The following ABCG4 variants were observed in gnomAD, a reference collection of about 807,000 sequenced individuals.
ABCG4 encodes ATP-binding cassette sub-family G member 4.
A neutral mutation model predicts 64.6 loss-of-function variants in ABCG4; 35 were observed. That is an observed-to-expected ratio of 0.54 (90% CI 0.41 to 0.72). The LOEUF (loss-of-function observed/expected upper bound fraction) is 0.72, where lower values mean the gene tolerates loss of function less well. ABCG4 is among the 30% of genes least tolerant of loss of function. The probability of loss-of-function intolerance (pLI) is 0.00; values close to 1 mark genes in which losing one functional copy is unlikely to be tolerated. For missense variants in ABCG4, 610 were observed against 846.3 expected, an observed-to-expected ratio of 0.72 and a Z score of 3.46; for synonymous variants, 326 against 348.2, an observed-to-expected ratio of 0.94 and a Z score of 0.71.
chr11:119,157,075 C>A, intron 9 of ABCG4, 61 bp downstream of exon 9: 1 of 1,527,710 alleles, frequency 6.5e-7, no homozygotes. Context: ...GGACCATGGA[C>A]AGTGGCCCTG....
Position 119,149,774 on chromosome 11 carries a change from C to A in ABCG4, c.-12-180C>A. 1 of 1,019,736 alleles carries A rather than the reference C, an allele frequency of 9.8e-7. No homozygotes were observed. The highest frequency in any genetic ancestry group is 1.4e-6 in the Non-Finnish European group (1 of 720,344). 63.2% of individuals were successfully genotyped at this position (1,019,736 alleles called of 1,614,324 possible). On this transcript the variant is annotated intron_variant, in intron 1 of 14. Coordinates refer to ENST00000619701, the MANE Select transcript of ABCG4 (RefSeq NM_022169.5). The surrounding 1 kb of genome is among the most constrained non-coding windows in gnomAD (Gnocchi z 8.3). The stretch of plus-strand genomic sequence containing the variant: ...CTGGGGTCAGGCTGGAGCTGGGCTG[C>A]CCGGGACTGAGCGTCTCCGTGCGGA...
At chr11:119,157,063 CTGGACCA>C (rs772350710) in intron 9 of ABCG4, 49 bp downstream of exon 9, 27 of 1,552,882 alleles carry the variant, frequency 1.7e-5, no homozygotes, top group Non-Finnish European at 2.2e-5. Flanking sequence ...GGAGGGGAGA[CTGGACCA>C]TGGACAGTGG....
intron 12 of ABCG4, among the ~76,000 whole-genome samples, chr11:119,159,204 G>T (rs1341204768): frequency 1.3e-5 from 2 of 152,192 alleles, no homozygotes; most frequent in Non-Finnish European, 2.9e-5. Context: ...TAACCCTATA[G>T]GGCCAGGCGC....
rs1592301404 is a variant in ABCG4 at position 119,150,274 on chromosome 11, G to C, written c.238+71G>C. The C allele has an allele frequency of 6.4e-7, 1 of 1,554,534 alleles. No homozygotes were observed. Among genetic ancestry groups the C allele is most frequent in the East Asian group, 2.3e-5 (1 of 44,228 alleles). ...TGCCTCTCCAGAAGCATGAGGCCTG[G>C]GTGTCCCATGTTCGGAAAGTCCTGC... On this transcript the variant is annotated intron_variant, in intron 2 of 14. Coordinates refer to ENST00000619701, the MANE Select transcript of ABCG4 (RefSeq NM_022169.5). This position sits in a 1 kb window ranked among gnomAD's most constrained non-coding sequence, Gnocchi z 4.3.
In ABCG4 at chr11:119,155,154, C is replaced by G. The variant is rs113184164; in HGVS notation, c.686+239C>G. ...TGACACCTCCCTCTCCAGTCACCCT[C>G]AGCCATCAGTCACCAAGTCCTGTTG... On this transcript the variant is annotated intron_variant, in intron 6 of 14. Transcript: ENST00000619701. This position sits in a 1 kb window ranked among gnomAD's most constrained non-coding sequence, Gnocchi z 4.5. Among the ~76,000 whole-genome samples the G allele has an allele frequency of 6.6e-6, 1 of 152,194 alleles. No homozygotes were observed. The highest frequency in any genetic ancestry group is 6.5e-5 in the Admixed American group (1 of 15,288).
chr11:119,156,364 C>T lies in ABCG4; in HGVS notation c.722C>T (p.Ser241Phe). The T allele has an allele frequency of 6.2e-7, 1 of 1,614,178 alleles. No homozygotes were observed. Among genetic ancestry groups the T allele is most frequent in the Non-Finnish European group, 8.5e-7 (1 of 1,180,034 alleles). ...LDSASCFQVV[S>F]LMKSLAQGGR... ...AGCGCCTCTTGTTTCCAAGTGGTGT[C>T]CCTCATGAAGTCCCTGGCACAGGGG... The change falls in exon 7 of 15, where the codon TCC (serine) becomes TTC (phenylalanine). Residue 241 changes from serine (S) to phenylalanine (F), a missense_variant. Transcript: ENST00000619701. This position sits in a 1 kb window ranked among gnomAD's most constrained non-coding sequence, Gnocchi z 5.5.
chr11:119,155,621 CAG>C lies in ABCG4; in HGVS notation c.687-705_687-704del, dbSNP rs1948254888. 1 of 152,794 alleles carries C rather than the reference CAG, an allele frequency of 6.5e-6. No homozygotes were observed. The highest frequency in any genetic ancestry group is 6.5e-5 in the Admixed American group (1 of 15,340). 9.5% of individuals were successfully genotyped at this position (152,794 alleles called of 1,614,324 possible). On this transcript the variant is annotated intron_variant, in intron 6 of 14. Transcript: ENST00000619701. This position sits in a 1 kb window ranked among gnomAD's most constrained non-coding sequence, Gnocchi z 4.5. ...ACAGGCGTGAGCCACCGTGCCCGGA[CAG>C]AGTGAACTTTCTAAAGACAAGTCTG... is the stretch of plus-strand genomic sequence containing the variant.
In ABCG4 at chr11:119,160,851, G is replaced by C. The variant is rs746117726; in HGVS notation, c.1716-30G>C. 1.2e-6 allele frequency: 2 copies of C among 1,602,480 alleles called. No individual in the cohort carries two copies. Among genetic ancestry groups the C allele is most frequent in the Non-Finnish European group, 1.7e-6 (2 of 1,171,140 alleles). On this transcript the variant is annotated intron_variant, in intron 14 of 14. Coordinates refer to ENST00000619701, the MANE Select transcript of ABCG4 (RefSeq NM_022169.5). The surrounding 1 kb of genome is among the most constrained non-coding windows in gnomAD (Gnocchi z 4.6). ...TCAGAGAGCAGGGACCCTGTGTGCT[G>C]TATCCCATCTGATATCCCTGCCTGC...
Position 119,161,804 on chromosome 11 carries a change from G to C in ABCG4, c.*698G>C, listed in dbSNP as rs1948358078. 6.5e-6 allele frequency: 1 copy of C among 152,726 alleles called. No individual in the cohort carries two copies. Among genetic ancestry groups the C allele is most frequent in the Admixed American group, 6.5e-5 (1 of 15,286 alleles). The allele number at this position is 152,726 out of a possible 1,614,324, so 9.5% of individuals were successfully genotyped here. On this transcript the variant is annotated 3_prime_UTR_variant, in exon 15 of 15. Transcript: ENST00000619701. ...CCTTTGGTGGGGGCAGGGCCTGGTGGCACCTGTGCAATAATGTCTGTGTTT... is the reference window on the plus strand; with the variant it reads ...CCTTTGGTGGGGGCAGGGCCTGGTGCCACCTGTGCAATAATGTCTGTGTTT...
In ABCG4 at chr11:119,160,606, C is replaced by T. The variant is rs1377869417; in HGVS notation, c.1665C>T (p.Phe555=). The T allele has an allele frequency of 6.2e-6, 10 of 1,613,476 alleles. No individual in the cohort carries two copies. Among genetic ancestry groups the T allele is most frequent in the African/African-American group, 1.3e-5 (1 of 74,916 alleles). The part of the protein sequence containing the change: ...VLLFSGFFVS[F]KTIPTYLQWS... ...TGTTCTCCGGCTTCTTTGTCAGCTT[C>T]AAGACCATCCCCACTTACCTGCAAT... The change falls in exon 14 of 15, where the codon TTC becomes TTT. Residue 555 remains phenylalanine (F), a synonymous_variant. Transcript: ENST00000619701. This position sits in a 1 kb window ranked among gnomAD's most constrained non-coding sequence, Gnocchi z 4.6.
chr11:119,156,214 A>T lies in ABCG4; in HGVS notation c.687-115A>T. The stretch of plus-strand genomic sequence containing the variant: ...CCGTAAAGGATACAGATGCGGCCAG[A>T]GTGCCCTCTTCCTGCCAGCTTCATC... On this transcript the variant is annotated intron_variant, in intron 6 of 14. Coordinates refer to ENST00000619701, the MANE Select transcript of ABCG4 (RefSeq NM_022169.5). The surrounding 1 kb of genome is among the most constrained non-coding windows in gnomAD (Gnocchi z 5.5). The T allele has an allele frequency of 7.2e-7, 1 of 1,396,308 alleles. No homozygotes were observed. The allele number at this position is 1,396,308 out of a possible 1,614,324, so 86.5% of individuals were successfully genotyped here. A position where few individuals can be genotyped will look rare whatever the true frequency, so the allele number is the denominator to read the frequency against.
At position 119,149,871 on chromosome 11, in the gene ABCG4, G is replaced by A; in HGVS notation, c.-12-83G>A. 2 of 1,496,618 alleles carry A rather than the reference G, an allele frequency of 1.3e-6. No homozygotes were observed. The highest frequency in any genetic ancestry group is 1.8e-6 in the Non-Finnish European group (2 of 1,126,996). 92.7% of individuals were successfully genotyped at this position (1,496,618 alleles called of 1,614,324 possible). Reference sequence around the variant, plus strand: ...CCCCGAGAAGGAGGTGGGCAGTGGGGGCGGGGGAAGCATTAGAACGCCAGG... The same window carrying A: ...CCCCGAGAAGGAGGTGGGCAGTGGGAGCGGGGGAAGCATTAGAACGCCAGG... On this transcript the variant is annotated intron_variant, in intron 1 of 14. Transcript: ENST00000619701. This position sits in a 1 kb window ranked among gnomAD's most constrained non-coding sequence, Gnocchi z 8.3.
Position 119,154,826 on chromosome 11 carries a change from CCT to C in ABCG4, c.598_599del (p.Leu200AlafsTer25), listed in dbSNP as rs754620704. The C allele has an allele frequency of 6.2e-7, 1 of 1,614,078 alleles. No homozygotes were observed. The highest frequency in any genetic ancestry group is 8.5e-7 in the Non-Finnish European group (1 of 1,179,920). On this transcript the variant is annotated frameshift_variant, in exon 6 of 15. Transcript: ENST00000619701. LOFTEE classifies it high-confidence loss of function. The surrounding 1 kb of genome is among the most constrained non-coding windows in gnomAD (Gnocchi z 7.0). ...TGTCGTGCTCCCACACGAGGACAGC[CCT>C]GCTCTCTGGCGGGCAGAGGAAGCGT... ...LMSCSHTRTA[L>X]LSGGQRKRLA...
rs1948351708 is a variant in ABCG4 at position 119,161,426 on chromosome 11, G to A, written c.*320G>A. ...CTTCCTGCCCATGGCACCCTCCTCT[G>A]CTGTCTGCCTGGGAGCCCTAGGCTC... is the stretch of plus-strand genomic sequence containing the variant. On this transcript the variant is annotated 3_prime_UTR_variant, in exon 15 of 15. Transcript: ENST00000619701. 7.6e-6 allele frequency: 2 copies of A among 263,026 alleles called. No homozygotes were observed. Among genetic ancestry groups the A allele is most frequent in the Non-Finnish European group, 1.5e-5 (2 of 135,874 alleles). The allele number at this position is 263,026 out of a possible 1,614,324, so 16.3% of individuals were successfully genotyped here. A position where few individuals can be genotyped will look rare whatever the true frequency, so the allele number is the denominator to read the frequency against.
Position 119,160,931 on chromosome 11 carries a change from A to G in ABCG4, c.1766A>G (p.Asp589Gly). The G allele has an allele frequency of 1.2e-6, 2 of 1,613,960 alleles. No homozygotes were observed. Among genetic ancestry groups the G allele is most frequent in the Non-Finnish European group, 1.7e-6 (2 of 1,179,946 alleles). ...ILTIYGMERG[D>G]LTCLEERCPF... ...ACGATCTATGGCATGGAGCGAGGAG[A>G]CCTGACATGTTTAGAGGAACGCTGC... Residue 589 changes from aspartate to glycine, a missense_variant, in exon 15 of 15, where the codon GAC (aspartate) becomes GGC (glycine). Physicochemically the swap from Asp to Gly is moderately conservative, Grantham distance 94. Coordinates refer to ENST00000619701, the MANE Select transcript of ABCG4 (RefSeq NM_022169.5). This position sits in a 1 kb window ranked among gnomAD's most constrained non-coding sequence, Gnocchi z 4.6.
Position 119,161,337 on chromosome 11 carries a change from T to C in ABCG4, c.*231T>C, listed in dbSNP as rs762879058. On this transcript the variant is annotated 3_prime_UTR_variant, in exon 15 of 15. Coordinates refer to ENST00000619701, the MANE Select transcript of ABCG4 (RefSeq NM_022169.5). ...AGGAGTCTTCCCAAGTTGATGCGGTTTGTAGCTTCCTCCCTACTCTCTCCA... is the reference window on the plus strand; with the variant it reads ...AGGAGTCTTCCCAAGTTGATGCGGTCTGTAGCTTCCTCCCTACTCTCTCCA... 7.9e-4 allele frequency: 415 copies of C among 522,648 alleles called. 1 individual carries two copies. Among genetic ancestry groups the C allele is most frequent in the Non-Finnish European group, 1.3e-3 (364 of 290,730 alleles). 32.4% of individuals were successfully genotyped at this position (522,648 alleles called of 1,614,324 possible). A position where few individuals can be genotyped will look rare whatever the true frequency, so the allele number is the denominator to read the frequency against.
Position 119,161,018 on chromosome 11 carries a change from T to A in ABCG4, c.1853T>A (p.Met618Lys). 1 of 1,614,094 alleles carries A rather than the reference T, an allele frequency of 6.2e-7. No individual in the cohort carries two copies. Among genetic ancestry groups the A allele is most frequent in the Non-Finnish European group, 8.5e-7 (1 of 1,179,984 alleles). ...ALDVEDAKLY[M>K]DFLVLGIFFL... ...GATGTGGAGGATGCCAAGCTCTACA[T>A]GGACTTCCTGGTCTTGGGCATCTTC... is the stretch of plus-strand genomic sequence containing the variant. Residue 618 changes from methionine to lysine, a missense_variant, in exon 15 of 15, where the codon ATG becomes AAG. Coordinates refer to ENST00000619701, the MANE Select transcript of ABCG4 (RefSeq NM_022169.5).
chr11:119,149,788 T>A lies in ABCG4; in HGVS notation c.-12-166T>A. 2 of 1,146,960 alleles carry A rather than the reference T, an allele frequency of 1.7e-6. No homozygotes were observed. Among genetic ancestry groups the A allele is most frequent in the South Asian group, 1.6e-5 (1 of 62,478 alleles). 71.0% of individuals were successfully genotyped at this position (1,146,960 alleles called of 1,614,324 possible). On this transcript the variant is annotated intron_variant, in intron 1 of 14. Coordinates refer to ENST00000619701, the MANE Select transcript of ABCG4 (RefSeq NM_022169.5). The surrounding 1 kb of genome is among the most constrained non-coding windows in gnomAD (Gnocchi z 8.3). ...GAGCTGGGCTGCCCGGGACTGAGCG[T>A]CTCCGTGCGGAGAGTGGGGGGCGGG...
chr11:119,158,210 C>G lies in ABCG4; in HGVS notation c.1069-24C>G. ...GGTGAATGGGGTAGGCTCACCTGAT[C>G]CCGATCCAATTTCTTCTTCCCAGGA... On this transcript the variant is annotated intron_variant, in intron 9 of 14. Transcript: ENST00000619701. The surrounding 1 kb of genome is among the most constrained non-coding windows in gnomAD (Gnocchi z 4.5). 1 of 1,553,164 alleles carries G rather than the reference C, an allele frequency of 6.4e-7. No individual in the cohort carries two copies. Among genetic ancestry groups the G allele is most frequent in the Non-Finnish European group, 8.7e-7 (1 of 1,143,752 alleles).
Sources: allele counts gnomAD v4.1 joint callset (sites outside exome capture counted in the v4.1 genomes callset), GRCh38; gene constraint gnomAD v4.1.1; non-coding constraint Gnocchi (gnomAD v3.1); transcripts MANE v1.5; gene names NCBI Gene and HGNC (gene_info 2026-07-23, HGNC 2026-07-21).